TFB1M: variants seen among roughly 807,000 people sequenced by gnomAD.
TFB1M encodes transcription factor B1, mitochondrial, also known as dimethyladenosine transferase 1, mitochondrial.
A neutral mutation model predicts 31.1 loss-of-function variants in TFB1M; 27 were observed. That is an observed-to-expected ratio of 0.87 (90% confidence interval 0.64 to 1.20). The LOEUF (loss-of-function observed/expected upper bound fraction) is 1.20. TFB1M is among the 50% of genes most tolerant of loss of function. The pLI is 0.00. For missense variants in TFB1M, 394 were observed against 418.7 expected, an observed-to-expected ratio of 0.94 and a Z score of 0.51; for synonymous variants, 166 against 151.8, an observed-to-expected ratio of 1.09 and a Z score of -0.69.
intron 1 of TFB1M, 86 bp downstream of exon 1, chr6:155,314,210 C>T (rs967769929): frequency 4.4e-6 from 7 of 1,576,304 alleles, no homozygotes; most frequent in Middle Eastern, 1.9e-4. Context: ...GCCTGGACAC[C>T]CGCCCGCGGG....
intron 5 of TFB1M, chr6:155,260,701 T>G (rs912722): frequency 0.63 from 273,142 of 431,976 alleles, 88,823 homozygotes; most frequent in East Asian, 0.98. Context: ...ATCCAAATCA[T>G]TAAAGTCAGT....
intron 5 of TFB1M, chr6:155,275,763 T>C: frequency 1.2e-6 from 2 of 1,614,140 alleles, no homozygotes; most frequent in African/African-American, 1.3e-5. Context: ...ATCCTGGCCT[T>C]ATCTGGGGTC....
At chr6:155,292,385 G>C (rs2114763760) in intron 4 of TFB1M, among the ~76,000 whole-genome samples, 1 of 152,280 alleles carries the variant, frequency 6.6e-6, no homozygotes, top group South Asian at 2.1e-4. Context: ...CCCCTGCTGA[G>C]CACTGATCTG....
At chr6:155,244,718 A>T in the TFB1M span, 2 of 1,613,994 alleles carry the variant, frequency 1.2e-6, no homozygotes, top group Admixed American at 1.7e-5. Flanking sequence ...GTTTCTGGAG[A>T]CCCTGGAGGA....
chr6:155,277,131 T>C (rs1785264277), intron 5 of TFB1M, among the ~76,000 whole-genome samples: 1 of 152,228 alleles, frequency 6.6e-6, no homozygotes, highest in African/African-American at 2.4e-5. Flanking sequence ...AGAACTCCCT[T>C]CTTCTGCTTC....
intron 4 of TFB1M, among the ~76,000 whole-genome samples, chr6:155,292,942 C>T (rs529561569): frequency 6.6e-6 from 1 of 152,290 alleles, no homozygotes; most frequent in East Asian, 1.9e-4. Flanking sequence ...GATCCTCCCA[C>T]CTCAGCCTCC....
chr6:155,240,721 G>A, the TFB1M span: 3 of 1,603,654 alleles, frequency 1.9e-6, no homozygotes, highest in Non-Finnish European at 2.6e-6. Context: ...TAAGGGAAGA[G>A]CTGGCATTTA....
intron 2 of TFB1M, among the ~76,000 whole-genome samples, chr6:155,302,776 T>C (rs1377340342): frequency 6.6e-6 from 1 of 152,196 alleles, no homozygotes; most frequent in Non-Finnish European, 1.5e-5. Context: ...ATTAGTCCGT[T>C]CTCATGCTGC....
intron 5 of TFB1M, among the ~76,000 whole-genome samples, chr6:155,281,931 A>G (rs978179636): frequency 6.6e-6 from 1 of 152,120 alleles, no homozygotes; most frequent in African/African-American, 2.4e-5. Context: ...CCCCAGAAAT[A>G]TGTGGATTCT....
chr6:155,298,152 C>T (rs1450512362), intron 3 of TFB1M, among the ~76,000 whole-genome samples: 1 of 152,142 alleles, frequency 6.6e-6, no homozygotes, highest in African/African-American at 2.4e-5. Flanking sequence ...TACTAAAGCA[C>T]TTCTTTTTTT....
chr6:155,284,028 A>C (rs1776509648), intron 5 of TFB1M, among the ~76,000 whole-genome samples: 1 of 152,186 alleles, frequency 6.6e-6, no homozygotes, highest in African/African-American at 2.4e-5. Context: ...TGCTGAAGGG[A>C]GGTGGCACCG....
downstream of TFB1M, chr6:155,251,943 A>G: frequency 6.2e-7 from 1 of 1,600,460 alleles, no homozygotes. Flanking sequence ...TCCTTTCTTT[A>G]GTTTTTAAGA....
At position 155,305,322 on chromosome 6, in the gene TFB1M, A is replaced by G. The variant is rs1226325169; in HGVS notation, c.285+5866T>C. Among the ~76,000 whole-genome samples, 13 of 37,322 alleles carry G rather than the reference A, an allele frequency of 3.5e-4. 4 individuals carry two copies. Among genetic ancestry groups the G allele is most frequent in the South Asian group, 3.5e-3 (2 of 570 alleles). 24.5% of individuals were successfully genotyped at this position (37,322 alleles called of 152,430 possible). On this transcript the variant is annotated intron_variant, in intron 2 of 6. Coordinates refer to ENST00000367166, the MANE Select transcript of TFB1M (RefSeq NM_016020.4). Reference sequence around the variant, plus strand: ...TATATATATAAACATATATTAAATTATATATTTATATATATAAATATATAT... The same window carrying G: ...TATATATATAAACATATATTAAATTGTATATTTATATATATAAATATATAT...
At chr6:155,261,937 T>A (rs2114668556) in intron 5 of TFB1M, among the ~76,000 whole-genome samples, 1 of 152,348 alleles carries the variant, frequency 6.6e-6, no homozygotes, top group East Asian at 1.9e-4. Context: ...TTAACTAAGA[T>A]GTCAAATGCT....
rs1784056107 is a variant in TFB1M at position 155,256,673 on chromosome 6, G to A, written c.*1163C>T. On this transcript the variant is annotated 3_prime_UTR_variant, in exon 7 of 7. Transcript: ENST00000367166. ...TCTCCCGGGAAATACCCACACCCCG[G>A]CTTGGCAGATTTTGCCGACAATCTC... 6.2e-7 allele frequency: 1 copy of A among 1,614,066 alleles called. No homozygotes were observed.
intron 2 of TFB1M, among the ~76,000 whole-genome samples, chr6:155,308,812 C>G (rs1464925003): frequency 6.6e-6 from 1 of 152,070 alleles, no homozygotes; most frequent in Admixed American, 6.6e-5. Flanking sequence ...ATTCTATTAG[C>G]TTAGAAATCA....
intron 4 of TFB1M, 110 bp downstream of exon 4, chr6:155,296,843 G>A: frequency 9.4e-7 from 1 of 1,063,596 alleles, no homozygotes; most frequent in South Asian, 1.3e-5. Context: ...TCTTGTGTGT[G>A]TAATAAGATA....
chr6:155,277,793 A>G (rs1785289749), intron 5 of TFB1M, among the ~76,000 whole-genome samples: 1 of 152,206 alleles, frequency 6.6e-6, no homozygotes, highest in Non-Finnish European at 1.5e-5. Flanking sequence ...GTGTCATACT[A>G]AAAAGAATTC....
intron 4 of TFB1M, among the ~76,000 whole-genome samples, chr6:155,285,637 A>G (rs572541986): frequency 4.9e-4 from 74 of 152,350 alleles, no homozygotes; most frequent in African/African-American, 1.7e-3. Context: ...CATAATGAAA[A>G]ATGAAAGATG....
Sources: gnomAD v4.1 joint callset for allele counts (sites outside exome capture counted in the v4.1 genomes callset) on GRCh38, gnomAD v4.1.1 for gene constraint, MANE v1.5 for transcripts, NCBI Gene and HGNC (gene_info 2026-07-23, HGNC 2026-07-21) for gene names.